Variants in KCNK13 observed in about 807,000 individuals in gnomAD.
The protein encoded by KCNK13 is potassium two pore domain channel subfamily K member 13.
Under a neutral mutation model 23.4 loss-of-function variants are expected in KCNK13, and 12 were observed. That is an observed-to-expected ratio of 0.51 (90% CI 0.33 to 0.83). The LOEUF is 0.83. Among genes scored for constraint, KCNK13 ranks in the 40% least tolerant of loss-of-function variants. The pLI, the probability that KCNK13 is intolerant of heterozygous loss-of-function variation, is 0.02. For synonymous variants in KCNK13, 231 were observed against 229.5 expected (o/e 1.01, Z -0.06); for missense variants, 463 against 556.3 (o/e 0.83, Z 1.69).
chr14:90,074,297 C>A (rs1175376841), intron 1 of KCNK13, among the ~76,000 whole-genome samples: 2 of 152,208 alleles, frequency 1.3e-5, no homozygotes, highest in Non-Finnish European at 2.9e-5. Flanking sequence ...TGTTTCAGAG[C>A]AGAAGAACTT....
chr14:90,105,135 A>G (rs892408666), intron 1 of KCNK13, among the ~76,000 whole-genome samples: 1 of 152,100 alleles, frequency 6.6e-6, no homozygotes, highest in Non-Finnish European at 1.5e-5. Context: ...AATGGGTTAC[A>G]TAAATAGGGT....
intron 1 of KCNK13, among the ~76,000 whole-genome samples, chr14:90,073,581 C>T (rs1188440069): frequency 6.6e-6 from 1 of 152,216 alleles, no homozygotes; most frequent in African/African-American, 2.4e-5. Context: ...GGTTTTCGAA[C>T]TGTGCTCCCC....
intron 1 of KCNK13, among the ~76,000 whole-genome samples, chr14:90,114,540 C>A (rs1027323718): frequency 6.6e-5 from 10 of 152,204 alleles, no homozygotes; most frequent in Non-Finnish European, 1.5e-4. Context: ...CCTGGGAAAG[C>A]CCGGTTAAGC....
At chr14:90,091,575 G>A (rs1164805712) in intron 1 of KCNK13, among the ~76,000 whole-genome samples, 1 of 152,174 alleles carries the variant, frequency 6.6e-6, no homozygotes, top group Non-Finnish European at 1.5e-5. Context: ...CCAAAAGCCT[G>A]TTTCTGGGGG....
intron 1 of KCNK13, among the ~76,000 whole-genome samples, chr14:90,152,134 C>T (rs962800535): frequency 1.1e-4 from 17 of 152,246 alleles, no homozygotes; most frequent in South Asian, 2.1e-4. Context: ...ATCATGGGGG[C>T]GGGTTTTTCC....
intron 1 of KCNK13, among the ~76,000 whole-genome samples, chr14:90,066,391 C>T (rs973166119): frequency 3.3e-5 from 5 of 152,090 alleles, no homozygotes; most frequent in African/African-American, 4.8e-5. Context: ...CTTGGCCTCC[C>T]AAGTAGCTGG....
intron 1 of KCNK13, among the ~76,000 whole-genome samples, chr14:90,077,141 C>G (rs1042267242): frequency 5.5e-5 from 4 of 73,044 alleles, no homozygotes; most frequent in African/African-American, 2.4e-4. Flanking sequence ...TTTTTTTAGA[C>G]GAAGTTTCTC....
intron 1 of KCNK13, among the ~76,000 whole-genome samples, chr14:90,159,851 A>G (rs1237783678): frequency 6.6e-6 from 1 of 152,078 alleles, no homozygotes; most frequent in East Asian, 1.9e-4. Context: ...CCCTTTCTAG[A>G]TGGGTGTCCT....
At chr14:90,076,052 T>G (rs567554413) in intron 1 of KCNK13, among the ~76,000 whole-genome samples, 145 of 152,344 alleles carry the variant, frequency 9.5e-4, no homozygotes, top group African/African-American at 3.4e-3. Flanking sequence ...TTCTTCTGTG[T>G]TTTCTGTCTG....
chr14:90,178,532 CG>C (rs1278396143), intron 1 of KCNK13, among the ~76,000 whole-genome samples: 2 of 151,872 alleles, frequency 1.3e-5, no homozygotes, highest in Non-Finnish European at 1.5e-5. Flanking sequence ...TCAGGTGATC[CG>C]CCCGCCTCAG....
chr14:90,107,781 T>C (rs888284288), intron 1 of KCNK13: 1 of 841,130 alleles, frequency 1.2e-6, no homozygotes, highest in Admixed American at 1.7e-5. Context: ...CTCAGTCAAC[T>C]GCCCATCAAA....
chr14:90,132,557 A>G (rs1401878165), intron 1 of KCNK13, among the ~76,000 whole-genome samples: 1 of 151,730 alleles, frequency 6.6e-6, no homozygotes, highest in Non-Finnish European at 1.5e-5. Flanking sequence ...AAAAAAAAAA[A>G]AAGAAAGAAA....
chr14:90,101,107 C>T (rs1889471338), intron 1 of KCNK13, among the ~76,000 whole-genome samples: 1 of 152,166 alleles, frequency 6.6e-6, no homozygotes, highest in South Asian at 2.1e-4. Flanking sequence ...TTCAGTTTCT[C>T]AGTCTGTAAC....
At chr14:90,163,285 C>A (rs182810122) in intron 1 of KCNK13, among the ~76,000 whole-genome samples, 1 of 152,122 alleles carries the variant, frequency 6.6e-6, no homozygotes, top group Non-Finnish European at 1.5e-5. Flanking sequence ...GGAAGAGAAA[C>A]GCAAGTTAGG....
intron 1 of KCNK13, among the ~76,000 whole-genome samples, chr14:90,128,765 G>A (rs912870791): frequency 6.6e-6 from 1 of 152,142 alleles, no homozygotes; most frequent in African/African-American, 2.4e-5. Context: ...GCAAGAGATA[G>A]TGTGATACTT....
At chr14:90,164,668 G>A (rs1275155205) in intron 1 of KCNK13, among the ~76,000 whole-genome samples, 2 of 152,198 alleles carry the variant, frequency 1.3e-5, no homozygotes, top group African/African-American at 4.8e-5. Context: ...TTGTAGGAAA[G>A]AGCTACAGAC....
chr14:90,062,188 G>GC lies in KCNK13; in HGVS notation c.-13dup. 7.3e-7 allele frequency: 1 copy of GC among 1,374,318 alleles called. No homozygotes were observed. Among genetic ancestry groups the GC allele is most frequent in the Non-Finnish European group, 9.4e-7 (1 of 1,066,378 alleles). The allele number at this position is 1,374,318 out of a possible 1,614,324, so 85.1% of individuals were successfully genotyped here. ...GCCCGGTGCCGTGGGCCTGGGGGCTGCCCCCGGGGGCCCGGCCATGGCTGG... is the reference window on the plus strand; with the variant it reads ...GCCCGGTGCCGTGGGCCTGGGGGCTGCCCCCCGGGGGCCCGGCCATGGCTGG... On this transcript the variant is annotated 5_prime_UTR_variant, in exon 1 of 2. Coordinates refer to ENST00000282146, the MANE Select transcript of KCNK13 (RefSeq NM_022054.4). This position sits in a 1 kb window ranked among gnomAD's most constrained non-coding sequence, Gnocchi z 4.5.
At chr14:90,079,400 A>G (rs546886624) in intron 1 of KCNK13, among the ~76,000 whole-genome samples, 1 of 152,202 alleles carries the variant, frequency 6.6e-6, no homozygotes, top group African/African-American at 2.4e-5. Flanking sequence ...TGGAGCATAA[A>G]TTACACCTTA....
chr14:90,077,656 G>A (rs1025495470), intron 1 of KCNK13, among the ~76,000 whole-genome samples: 8 of 152,214 alleles, frequency 5.3e-5, no homozygotes, highest in African/African-American at 1.7e-4. Context: ...AGTGCTTTCA[G>A]CAGATACTAT....
Sources: allele counts gnomAD v4.1 joint callset (sites outside exome capture counted in the v4.1 genomes callset), GRCh38; gene constraint gnomAD v4.1.1; non-coding constraint Gnocchi (gnomAD v3.1); transcripts MANE v1.5; gene names NCBI Gene and HGNC (gene_info 2026-07-23, HGNC 2026-07-21).